The following FBXO4 variants were observed in gnomAD, a reference collection of about 807,000 sequenced individuals.
FBXO4 encodes the protein F-box protein 4, also known as F-box only protein 4.
A neutral mutation model predicts 43.7 loss-of-function variants in FBXO4; 36 were observed. The observed-to-expected ratio is 0.82, with a 90% CI of 0.63 to 1.09. The LOEUF is 1.09. FBXO4 is among the 50% of genes least tolerant of loss of function. The pLI is 0.00. For synonymous variants in FBXO4, 180 were observed against 165.6 expected, an observed-to-expected ratio of 1.09 and a Z score of -0.67; for missense variants, 435 against 474.1, an observed-to-expected ratio of 0.92 and a Z score of 0.77.
chr5:41,990,932 A>G, the FBXO4 span, among the ~76,000 whole-genome samples: 2 of 152,166 alleles, frequency 1.3e-5, no homozygotes, highest in Admixed American at 1.3e-4. Flanking sequence ...TTTGTAGTCT[A>G]CATTTATATT....
the FBXO4 span, among the ~76,000 whole-genome samples, chr5:41,954,052 A>G: frequency 6.6e-6 from 1 of 152,236 alleles, no homozygotes; most frequent in African/African-American, 2.4e-5. Context: ...GAGGTTAATT[A>G]CAGAATATGG....
intron 5 of FBXO4, among the ~76,000 whole-genome samples, chr5:41,938,861 A>G (rs1751921762): frequency 6.6e-6 from 1 of 152,198 alleles, no homozygotes; most frequent in African/African-American, 2.4e-5. Flanking sequence ...GACTCCCTCC[A>G]TCTTCCAATC....
the FBXO4 span, among the ~76,000 whole-genome samples, chr5:42,016,503 C>A: frequency 4.6e-5 from 7 of 151,924 alleles, no homozygotes; most frequent in African/African-American, 1.4e-4. Context: ...GGGTCCTTCT[C>A]GGCATAATTC....
At chr5:42,027,802 G>T in the FBXO4 span, among the ~76,000 whole-genome samples, 1 of 151,838 alleles carries the variant, frequency 6.6e-6, no homozygotes, top group Non-Finnish European at 1.5e-5. Flanking sequence ...TGGTCATTCA[G>T]GAGCCTATTC....
chr5:41,989,436 C>T, the FBXO4 span, among the ~76,000 whole-genome samples: 741 of 152,104 alleles, frequency 4.9e-3, 1 homozygote, highest in Non-Finnish European at 8.1e-3. Flanking sequence ...TATTCCGTTA[C>T]GATCTTAGCA....
At chr5:41,992,611 G>C in the FBXO4 span, among the ~76,000 whole-genome samples, 1 of 152,190 alleles carries the variant, frequency 6.6e-6, no homozygotes, top group Non-Finnish European at 1.5e-5. Context: ...TTCTTGATAA[G>C]ACAGTCAATC....
At chr5:42,027,264 G>A in the FBXO4 span, among the ~76,000 whole-genome samples, 1 of 151,654 alleles carries the variant, frequency 6.6e-6, no homozygotes, top group South Asian at 2.1e-4. Context: ...TTTCTTCCTA[G>A]TTCAATTGGT....
At chr5:41,989,103 G>A in the FBXO4 span, among the ~76,000 whole-genome samples, 2 of 152,062 alleles carry the variant, frequency 1.3e-5, no homozygotes, top group African/African-American at 2.4e-5. Context: ...AGAAAAAAAC[G>A]GCCACAATGA....
chr5:41,962,205 C>G, the FBXO4 span, among the ~76,000 whole-genome samples: 27 of 152,318 alleles, frequency 1.8e-4, 1 homozygote, highest in East Asian at 5.2e-3. Context: ...TTACCACAGG[C>G]TGCAAATAAT....
At chr5:41,952,310 T>G in the FBXO4 span, 1 of 152,202 alleles carries the variant, frequency 6.6e-6, no homozygotes, top group Non-Finnish European at 1.5e-5. Context: ...TTAATAAAGA[T>G]AGGAGAATTC....
chr5:41,974,861 C>G, the FBXO4 span, among the ~76,000 whole-genome samples: 1 of 152,042 alleles, frequency 6.6e-6, no homozygotes, highest in East Asian at 1.9e-4. Flanking sequence ...AAATACTAGT[C>G]ATGTTACGTA....
the FBXO4 span, among the ~76,000 whole-genome samples, chr5:42,016,345 C>T: frequency 6.6e-6 from 1 of 151,864 alleles, no homozygotes; most frequent in Non-Finnish European, 1.5e-5. Flanking sequence ...AGAAGGAAAG[C>T]TTTATTCCCC....
At chr5:41,934,349 T>A in intron 5 of FBXO4, 41 bp downstream of exon 5, 3 of 1,612,270 alleles carry the variant, frequency 1.9e-6, no homozygotes, top group Non-Finnish European at 2.5e-6. Context: ...ATTGTTCTTT[T>A]CAAAGCAAAT....
At chr5:42,001,694 C>CT in the FBXO4 span, among the ~76,000 whole-genome samples, 1 of 152,046 alleles carries the variant, frequency 6.6e-6, no homozygotes, top group Non-Finnish European at 1.5e-5. Context: ...TATAAATTTT[C>CT]TATGTATATA....
chr5:41,978,560 C>A, the FBXO4 span, among the ~76,000 whole-genome samples: 3 of 151,974 alleles, frequency 2.0e-5, no homozygotes, highest in Non-Finnish European at 2.9e-5. Context: ...GTATGTATTT[C>A]TTAAGTAGTA....
the FBXO4 span, among the ~76,000 whole-genome samples, chr5:41,965,219 C>T: frequency 6.6e-6 from 1 of 152,094 alleles, no homozygotes; most frequent in Non-Finnish European, 1.5e-5. Context: ...TTTCTGAGGG[C>T]TCTGTTCTGT....
At chr5:41,991,796 C>T in the FBXO4 span, among the ~76,000 whole-genome samples, 1 of 152,090 alleles carries the variant, frequency 6.6e-6, no homozygotes, top group Non-Finnish European at 1.5e-5. Flanking sequence ...ATATACCTTC[C>T]GGCCGGGCAC....
In FBXO4 at chr5:41,934,030, A is replaced by C; in HGVS notation, c.722+9A>C. 1 of 1,611,892 alleles carries C rather than the reference A, an allele frequency of 6.2e-7. No homozygotes were observed. Among genetic ancestry groups the C allele is most frequent in the African/African-American group, 1.3e-5 (1 of 74,998 alleles). On this transcript the variant is annotated intron_variant, in intron 4 of 6. Coordinates refer to ENST00000281623, the MANE Select transcript of FBXO4 (RefSeq NM_012176.3). Reference sequence around the variant, plus strand: ...TTATATTCAACTACCAGGTAAGGCTACATACTTGGTGGCTTAACTGAAACA... The same window carrying C: ...TTATATTCAACTACCAGGTAAGGCTCCATACTTGGTGGCTTAACTGAAACA...
the FBXO4 span, among the ~76,000 whole-genome samples, chr5:41,972,556 A>T: frequency 9.1e-4 from 138 of 152,330 alleles, 1 homozygote; most frequent in Middle Eastern, 3.4e-3. Flanking sequence ...TTTTCACAGA[A>T]TTAAAGAAAA....
Sources: gnomAD v4.1 joint callset for allele counts (sites outside exome capture counted in the v4.1 genomes callset) on GRCh38, gnomAD v4.1.1 for gene constraint, MANE v1.5 for transcripts, NCBI Gene and HGNC (gene_info 2026-07-23, HGNC 2026-07-21) for gene names.